Variants in EYS observed in about 807,000 individuals in gnomAD.
EYS encodes protein eyes shut homolog.
In EYS, 250 loss-of-function variants were observed where a neutral mutation model predicts 282.1. The ratio of observed to expected loss-of-function variants is 0.89; its 90% CI spans 0.80 to 0.98. The LOEUF (loss-of-function observed/expected upper bound fraction) is 0.98, where lower values mean the gene tolerates loss of function less well. Among genes scored for constraint, EYS ranks in the 50% least tolerant of loss-of-function variants. The probability of loss-of-function intolerance (pLI) is 0.00; values close to 1 mark genes in which losing one functional copy is unlikely to be tolerated. For synonymous variants in EYS, 1,355 were observed against 1,282.9 expected, an observed-to-expected ratio of 1.06 and a Z score of -1.20; for missense variants, 4,016 against 3,709.0, an observed-to-expected ratio of 1.08 and a Z score of -2.15.
chr6:65,493,164 C>T (rs1173571167), intron 4 of EYS, among the ~76,000 whole-genome samples: 2 of 152,160 alleles, frequency 1.3e-5, no homozygotes, highest in Non-Finnish European at 2.9e-5. Context: ...ATCCGCCTGC[C>T]TCGGCCTCCC....
intron 35 of EYS, among the ~76,000 whole-genome samples, chr6:63,956,232 G>A (rs545417296): frequency 3.9e-5 from 6 of 152,286 alleles, no homozygotes; most frequent in East Asian, 1.9e-4. Context: ...CACAAAAGAA[G>A]TGAAAATGCC....
intron 31 of EYS, among the ~76,000 whole-genome samples, chr6:64,125,489 G>A (rs1047094898): frequency 6.6e-6 from 1 of 151,750 alleles, no homozygotes; most frequent in Non-Finnish European, 1.5e-5. Flanking sequence ...TTTAAAAGTC[G>A]TCAACTGTCG....
Position 64,064,998 on chromosome 6 carries a change from A to G in EYS, c.6725+1340T>C, listed in dbSNP as rs200677611. Among the ~76,000 whole-genome samples the G allele has an allele frequency of 6.6e-5, 10 of 152,302 alleles. No individual in the cohort carries two copies. The East Asian group carries it at 1.5e-3, about 23-fold the overall frequency. ...GGGTATACGTAATTTACAAATAATG[A>G]TTTCATTACCTTAGAGTAATTTCAT... On this transcript the variant is annotated intron_variant, in intron 33 of 42. Coordinates refer to ENST00000503581, the MANE Select transcript of EYS (RefSeq NM_001142800.2).
intron 2 of EYS, among the ~76,000 whole-genome samples, chr6:65,560,225 TTATAA>T (rs1768987795): frequency 6.9e-6 from 1 of 145,336 alleles, no homozygotes; most frequent in South Asian, 2.1e-4. Context: ...TAAAATATAA[TTATAA>T]TATATTATAA....
At chr6:63,910,155 G>A (rs1396357229) in intron 35 of EYS, among the ~76,000 whole-genome samples, 1 of 152,160 alleles carries the variant, frequency 6.6e-6, no homozygotes, top group Non-Finnish European at 1.5e-5. Context: ...AGCCCCATAA[G>A]ATAGAATTAA....
In EYS at chr6:65,095,441, G is replaced by GA. The variant is rs1048587551; in HGVS notation, c.2024-37715dup. ...TAAGAGAGTTTAAAAGTTGTCACCA[G>GA]AAAAAAAAAAAAGTTAAGTACATGA... is the stretch of plus-strand genomic sequence containing the variant. On this transcript the variant is annotated intron_variant, in intron 12 of 42. Coordinates refer to ENST00000503581, the MANE Select transcript of EYS (RefSeq NM_001142800.2). Among the ~76,000 whole-genome samples, 249 of 135,556 alleles carry GA rather than the reference G, an allele frequency of 1.8e-3. 1 individual carries two copies. The highest frequency in any genetic ancestry group is 0.014 in the South Asian group (60 of 4,430). 88.9% of individuals were successfully genotyped at this position (135,556 alleles called of 152,430 possible).
chr6:63,941,641 A>G (rs1430029260), intron 35 of EYS, among the ~76,000 whole-genome samples: 1 of 152,168 alleles, frequency 6.6e-6, no homozygotes, highest in Admixed American at 6.5e-5. Flanking sequence ...AAATGCCACA[A>G]AGGACACTTA....
chr6:64,373,594 C>A (rs576432521), intron 29 of EYS, among the ~76,000 whole-genome samples: 1 of 152,148 alleles, frequency 6.6e-6, no homozygotes, highest in South Asian at 2.1e-4. Context: ...GCCCTGCCAT[C>A]CGGGTGTTTC....
At chr6:65,507,565 A>G (rs1167752080) in intron 2 of EYS, among the ~76,000 whole-genome samples, 1 of 152,130 alleles carries the variant, frequency 6.6e-6, no homozygotes, top group Non-Finnish European at 1.5e-5. Context: ...ACAATAACAC[A>G]TAATACACTT....
intron 18 of EYS, among the ~76,000 whole-genome samples, chr6:64,901,104 G>C (rs552772567): frequency 4.6e-5 from 7 of 151,848 alleles, no homozygotes; most frequent in African/African-American, 1.7e-4. Context: ...CATGGATGAA[G>C]CTGGAAACCA....
chr6:65,527,700 C>T (rs1489312868), intron 2 of EYS, among the ~76,000 whole-genome samples: 2 of 152,172 alleles, frequency 1.3e-5, no homozygotes, highest in East Asian at 3.9e-4. Flanking sequence ...CACACTGTTA[C>T]TCAGGGAGAC....
intron 12 of EYS, among the ~76,000 whole-genome samples, chr6:65,092,992 T>G (rs756492192): frequency 2.0e-5 from 3 of 152,114 alleles, no homozygotes; most frequent in Non-Finnish European, 4.4e-5. Flanking sequence ...AATACATTGA[T>G]GCATTATCAT....
At chr6:64,745,754 A>G (rs1326886660) in intron 22 of EYS, among the ~76,000 whole-genome samples, 1 of 152,186 alleles carries the variant, frequency 6.6e-6, no homozygotes. Context: ...AATCTTATAA[A>G]GGTTCTCCAT....
intron 26 of EYS, among the ~76,000 whole-genome samples, chr6:64,461,782 G>A (rs1369374300): frequency 6.6e-6 from 1 of 152,020 alleles, no homozygotes; most frequent in Non-Finnish European, 1.5e-5. Flanking sequence ...GAAACAATAT[G>A]ATAATATGTC....
intron 41 of EYS, among the ~76,000 whole-genome samples, chr6:63,738,484 A>G (rs956943840): frequency 9.9e-5 from 15 of 151,076 alleles, no homozygotes; most frequent in African/African-American, 3.6e-4. Context: ...AACTATCGCA[A>G]GAACAAAAAA....
intron 28 of EYS, among the ~76,000 whole-genome samples, chr6:64,411,397 C>T (rs188308259): frequency 2.6e-5 from 4 of 152,060 alleles, no homozygotes; most frequent in African/African-American, 9.6e-5. Context: ...CATGTGAGAA[C>T]CAATGACTCA....
chr6:65,146,024 A>G (rs1442436123), intron 12 of EYS, among the ~76,000 whole-genome samples: 1 of 151,778 alleles, frequency 6.6e-6, no homozygotes, highest in East Asian at 1.9e-4. Context: ...CAACTTTTCT[A>G]TGAATTCAGA....
chr6:63,792,353 G>A (rs1770538385), intron 37 of EYS, among the ~76,000 whole-genome samples: 1 of 151,988 alleles, frequency 6.6e-6, no homozygotes, highest in Non-Finnish European at 1.5e-5. Context: ...GTAAATGATG[G>A]AGTAGATAAG....
chr6:64,541,209 T>C (rs1764687109), intron 26 of EYS, among the ~76,000 whole-genome samples: 1 of 152,220 alleles, frequency 6.6e-6, no homozygotes, highest in South Asian at 2.1e-4. Context: ...GAGCTGGCTC[T>C]GGAGGGGTCC....
Sources: gnomAD v4.1 joint callset for allele counts (sites outside exome capture counted in the v4.1 genomes callset) on GRCh38, gnomAD v4.1.1 for gene constraint, MANE v1.5 for transcripts, NCBI Gene and HGNC (gene_info 2026-07-23, HGNC 2026-07-21) for gene names.